The following CUL1 variants were observed in gnomAD, a reference collection of about 807,000 sequenced individuals.
CUL1 encodes the protein cullin-1.
In CUL1, 24 loss-of-function variants were observed where a neutral mutation model predicts 118.0. The ratio of observed to expected loss-of-function variants is 0.20; its 90% confidence interval spans 0.15 to 0.29. The LOEUF (loss-of-function observed/expected upper bound fraction) is 0.29. CUL1 is among the 10% of genes least tolerant of loss of function. The pLI, the probability that CUL1 is intolerant of heterozygous loss-of-function variation, is 1.00. For synonymous variants in CUL1, 332 were observed against 340.4 expected (o/e 0.98, Z 0.27); for missense variants, 361 against 933.8 (o/e 0.39, Z 7.99).
chr7:148,759,394 T>TC (rs1319575165), intron 5 of CUL1, 40 bp downstream of exon 5: 1 of 1,605,718 alleles, frequency 6.2e-7, no homozygotes, highest in Non-Finnish European at 8.5e-7. Context: ...CCTTTTAAAA[T>TC]CCCTTCGCAG....
chr7:148,772,610 C>T (rs117152429), intron 9 of CUL1, among the ~76,000 whole-genome samples: 1 of 152,206 alleles, frequency 6.6e-6, no homozygotes, highest in Non-Finnish European at 1.5e-5. Flanking sequence ...CTGTAGTAGA[C>T]GTGATGTCAA....
chr7:148,794,324 AC>A (rs940474081), intron 17 of CUL1, among the ~76,000 whole-genome samples: 5 of 152,066 alleles, frequency 3.3e-5, no homozygotes, highest in Admixed American at 6.6e-5. Flanking sequence ...GAGGCCAAGG[AC>A]TATTCTCTCC....
At position 148,754,009 on chromosome 7, in the gene CUL1, G is replaced by A. The variant is rs77002295; in HGVS notation, c.174G>A (p.Gln58=). ...ATAACTACTGTACTAGTGTTCACCA[G>A]TCAAACCAAGCACGAGGAGCTGGAG... The part of the protein sequence containing the change: ...HVYNYCTSVH[Q]SNQARGAGVP... The change falls in exon 3 of 22, where the codon CAG becomes CAA. Residue 58 remains glutamine (Q), a synonymous_variant. Transcript: ENST00000325222. 150 of 1,612,900 alleles carry A rather than the reference G, an allele frequency of 9.3e-5. No individual in the cohort carries two copies. The highest frequency in any genetic ancestry group is 1.2e-4 in the Non-Finnish European group (144 of 1,179,706).
chr7:148,765,877 C>T (rs1193866927), intron 7 of CUL1, among the ~76,000 whole-genome samples: 1 of 152,046 alleles, frequency 6.6e-6, no homozygotes, highest in Non-Finnish European at 1.5e-5. Context: ...TCTAAAGTAC[C>T]ACATCTTAGT....
At chr7:148,733,024 C>T (rs1352880429) in intron 2 of CUL1, among the ~76,000 whole-genome samples, 4 of 152,096 alleles carry the variant, frequency 2.6e-5, no homozygotes, top group Admixed American at 6.5e-5. Flanking sequence ...TATCTCACCG[C>T]GGGCTGGTGG....
chr7:148,722,813 T>C (rs1264133877), intron 1 of CUL1, among the ~76,000 whole-genome samples: 2 of 152,244 alleles, frequency 1.3e-5, no homozygotes, highest in Non-Finnish European at 2.9e-5. Flanking sequence ...CCTTCCCAGC[T>C]GGACTGTGGC....
chr7:148,732,374 C>T (rs567541267), intron 2 of CUL1, among the ~76,000 whole-genome samples: 4 of 145,628 alleles, frequency 2.7e-5, no homozygotes, highest in East Asian at 2.0e-4. Flanking sequence ...GACAGAGTCT[C>T]GCTCTGCCAC....
intron 7 of CUL1, among the ~76,000 whole-genome samples, chr7:148,762,511 C>G (rs1799864244): frequency 6.6e-6 from 1 of 152,222 alleles, no homozygotes; most frequent in South Asian, 2.1e-4. Flanking sequence ...CCCAGAGTTT[C>G]AAACAACTGC....
rs112254566 is a variant in CUL1 at position 148,799,361 on chromosome 7, G to A, written c.2223G>A (p.Arg741=). The change falls in exon 21 of 22, where the codon AGG becomes AGA. Residue 741 remains arginine (R), a synonymous_variant. Coordinates refer to ENST00000325222, the MANE Select transcript of CUL1 (RefSeq NM_003592.3). ...LGEVLTQLSS[R]FKPRVPVIKK... Reference sequence around the variant, plus strand: ...AGGTCCTCACTCAGCTGTCCTCCAGGTTCAAACCTCGAGTCCCTGTGATCA... The same window carrying A: ...AGGTCCTCACTCAGCTGTCCTCCAGATTCAAACCTCGAGTCCCTGTGATCA... 1.3e-5 allele frequency: 21 copies of A among 1,613,702 alleles called. No homozygotes were observed. Among genetic ancestry groups the A allele is most frequent in the African/African-American group, 1.1e-4 (8 of 75,014 alleles).
chr7:148,746,996 G>A (rs1278235376), intron 2 of CUL1, among the ~76,000 whole-genome samples: 3 of 152,206 alleles, frequency 2.0e-5, no homozygotes, highest in Admixed American at 6.5e-5. Flanking sequence ...GAGCAATGCT[G>A]TGATAGTTTG....
chr7:148,793,467 A>G (rs142684152), intron 17 of CUL1, among the ~76,000 whole-genome samples: 249 of 152,310 alleles, frequency 1.6e-3, no homozygotes, highest in African/African-American at 5.6e-3. Flanking sequence ...ACTGCCCGCT[A>G]GCTCCCAGCC....
At chr7:148,789,077 A>T (rs1800919164) in intron 14 of CUL1, among the ~76,000 whole-genome samples, 1 of 152,200 alleles carries the variant, frequency 6.6e-6, no homozygotes, top group Non-Finnish European at 1.5e-5. Flanking sequence ...CAGGTGATTC[A>T]GTTCTCCAGG....
chr7:148,725,250 C>CT (rs374350697), intron 1 of CUL1, among the ~76,000 whole-genome samples: 6 of 152,168 alleles, frequency 3.9e-5, no homozygotes, highest in African/African-American at 2.4e-5. Context: ...CACACACACC[C>CT]GTACCCCTCT....
chr7:148,725,219 G>GCGCACACACACACA, intron 1 of CUL1, among the ~76,000 whole-genome samples: 6,001 of 140,016 alleles, frequency 0.043, 173 homozygotes, highest in Non-Finnish European at 0.06. Context: ...ACACGCGCGC[G>GCGCACACACACACA]CTCACACACA....
intron 17 of CUL1, among the ~76,000 whole-genome samples, chr7:148,797,505 GT>G (rs1410302549): frequency 6.6e-6 from 1 of 151,680 alleles, no homozygotes; most frequent in Non-Finnish European, 1.5e-5. Flanking sequence ...AACACTTCTA[GT>G]CCCAGGCATT....
intron 4 of CUL1, 82 bp from the exon 5 acceptor site, chr7:148,759,222 T>G: frequency 5.8e-4 from 759 of 1,298,616 alleles, no homozygotes; most frequent in Non-Finnish European, 7.6e-4. Flanking sequence ...TAAAGTAATT[T>G]GAGATTTAGG....
intron 20 of CUL1, 102 bp from the exon 21 acceptor site, chr7:148,799,173 T>C: frequency 2.7e-6 from 2 of 745,454 alleles, no homozygotes; most frequent in South Asian, 1.9e-5. Flanking sequence ...ATTGTGATCC[T>C]GTGCATAGGC....
intron 2 of CUL1, among the ~76,000 whole-genome samples, chr7:148,737,908 T>C (rs756674185): frequency 2.0e-5 from 3 of 152,192 alleles, no homozygotes; most frequent in Non-Finnish European, 4.4e-5. Flanking sequence ...TAGGAAGTAC[T>C]GTATTTTTAA....
At chr7:148,783,678 A>G in intron 9 of CUL1, 105 bp from the exon 10 acceptor site, 1 of 1,570,054 alleles carries the variant, frequency 6.4e-7, no homozygotes, top group South Asian at 1.1e-5. Flanking sequence ...AAAGGTATCT[A>G]TAGCTTTTAG....
Sources: gnomAD v4.1 joint callset for allele counts (sites outside exome capture counted in the v4.1 genomes callset) on GRCh38, gnomAD v4.1.1 for gene constraint, MANE v1.5 for transcripts, NCBI Gene and HGNC (gene_info 2026-07-23, HGNC 2026-07-21) for gene names.